The following KANK4 variants were observed in gnomAD, a reference collection of about 807,000 sequenced individuals.
KANK4 encodes the protein KN motif and ankyrin repeat domains 4.
KANK4 carries 50 observed loss-of-function variants against 80.8 expected under a neutral mutation model. That is an observed-to-expected ratio of 0.62 (90% CI 0.49 to 0.78). KANK4 has a LOEUF of 0.78. Ranked by LOEUF, KANK4 falls within the 30% of genes least tolerant of loss-of-function variation. KANK4 has a pLI of 0.00. For synonymous variants in KANK4, 465 were observed against 506.9 expected (o/e 0.92, Z 1.11); for missense variants, 1,196 against 1,240.1 (o/e 0.96, Z 0.53).
chr1:62,306,014 C>T (rs1357098032), intron 1 of KANK4, among the ~76,000 whole-genome samples: 1 of 151,904 alleles, frequency 6.6e-6, no homozygotes, highest in African/African-American at 2.4e-5. Context: ...ACACAAGGTC[C>T]TGTTCTGCTG....
chr1:62,291,197 C>G (rs1672671568), intron 1 of KANK4, among the ~76,000 whole-genome samples: 1 of 152,176 alleles, frequency 6.6e-6, no homozygotes, highest in East Asian at 1.9e-4. Context: ...TGTTGACTAT[C>G]TTTTTCATGT....
intron 2 of KANK4, among the ~76,000 whole-genome samples, chr1:62,278,326 TTC>T (rs1557493286): frequency 0.093 from 3,607 of 38,924 alleles, 592 homozygotes; most frequent in East Asian, 0.38. Context: ...TCTTTCTTCC[TTC>T]CTTCCTTCCT....
At chr1:62,280,117 G>C (rs555941233) in intron 2 of KANK4, among the ~76,000 whole-genome samples, 1 of 152,314 alleles carries the variant, frequency 6.6e-6, no homozygotes, top group African/African-American at 2.4e-5. Flanking sequence ...CCTATATTCA[G>C]TCTCTGAAGT....
chr1:62,238,657 T>A (rs1216098573), intron 9 of KANK4, among the ~76,000 whole-genome samples: 1 of 144,360 alleles, frequency 6.9e-6, no homozygotes, highest in Non-Finnish European at 1.5e-5. Flanking sequence ...TGAGATGGAG[T>A]CTCACTCTAT....
At chr1:62,309,852 T>C (rs1361971285) in intron 1 of KANK4, among the ~76,000 whole-genome samples, 1 of 152,148 alleles carries the variant, frequency 6.6e-6, no homozygotes, top group African/African-American at 2.4e-5. Flanking sequence ...CCCAAAGCAA[T>C]GGTTCAAAAG....
chr1:62,291,798 G>A (rs1672684965), intron 1 of KANK4, among the ~76,000 whole-genome samples: 2 of 152,146 alleles, frequency 1.3e-5, no homozygotes, highest in African/African-American at 2.4e-5. Context: ...GTAGAGATGG[G>A]GTTTCACTGT....
At chr1:62,309,130 T>G (rs528604739) in intron 1 of KANK4, among the ~76,000 whole-genome samples, 2 of 152,248 alleles carry the variant, frequency 1.3e-5, no homozygotes, top group Non-Finnish European at 2.9e-5. Context: ...GAGAATGCCA[T>G]CAGCGTGCCA....
chr1:62,238,097 C>T lies in KANK4; in HGVS notation c.*180G>A. 3 of 539,346 alleles carry T rather than the reference C, an allele frequency of 5.6e-6. No individual in the cohort carries two copies. The highest frequency in any genetic ancestry group is 1.0e-5 in the Non-Finnish European group (3 of 296,264). 33.4% of individuals were successfully genotyped at this position (539,346 alleles called of 1,614,324 possible). A position where few individuals can be genotyped will look rare whatever the true frequency, so the allele number is the denominator to read the frequency against. On this transcript the variant is annotated 3_prime_UTR_variant, in exon 10 of 10. Coordinates refer to ENST00000371153, the MANE Select transcript of KANK4 (RefSeq NM_181712.5). ...TGTAGTTTTCAGGCTTGGCCTAAGG[C>T]AAAAACTACAAAGCATCCTAATGAG...
At chr1:62,290,604 G>A (rs772996394) in intron 1 of KANK4, among the ~76,000 whole-genome samples, 25 of 152,292 alleles carry the variant, frequency 1.6e-4, no homozygotes, top group African/African-American at 1.2e-4. Flanking sequence ...TGTGAAGCAA[G>A]GAAAGGGCAA....
intron 6 of KANK4, among the ~76,000 whole-genome samples, chr1:62,266,388 T>G (rs748179053): frequency 2.7e-5 from 4 of 148,534 alleles, no homozygotes; most frequent in Non-Finnish European, 5.9e-5. Flanking sequence ...CACTGTACAC[T>G]CACACCACTG....
rs115190866 is a variant in KANK4, at chr1:62,273,823, C to T, written c.1281G>A (p.Ser427=). Reference sequence around the variant, plus strand: ...GGTTGACTTCAATGCCCTTATCACACGACTCCCTGGTCAAGAGTCCATGGA... The same window carrying T: ...GGTTGACTTCAATGCCCTTATCACATGACTCCCTGGTCAAGAGTCCATGGA... ...DPVHGLLTRE[S]CDKGIEVNLL... The change falls in exon 3 of 10, where the codon TCG becomes TCA. Residue 427 remains serine (S), a synonymous_variant. Transcript: ENST00000371153. 56,996 of 1,614,154 alleles carry T rather than the reference C, an allele frequency of 0.035. 1,178 individuals carry two copies. The highest frequency in any genetic ancestry group is 0.039 in the Non-Finnish European group (46,361 of 1,180,014).
chr1:62,295,765 G>A (rs1366251906), intron 1 of KANK4, among the ~76,000 whole-genome samples: 1 of 152,232 alleles, frequency 6.6e-6, no homozygotes, highest in Admixed American at 6.5e-5. Flanking sequence ...GGAATTGATG[G>A]TTTCTTTAAA....
chr1:62,297,109 C>T (rs1042446309), intron 1 of KANK4, among the ~76,000 whole-genome samples: 2 of 151,980 alleles, frequency 1.3e-5, no homozygotes, highest in Non-Finnish European at 2.9e-5. Context: ...CCCAGCTACT[C>T]AGGGGGTTGA....
Position 62,274,912 on chromosome 1 carries a change from G to A in KANK4, c.192C>T (p.Ala64=). The A allele has an allele frequency of 6.2e-7, 1 of 1,614,150 alleles. No homozygotes were observed. The highest frequency in any genetic ancestry group is 8.5e-7 in the Non-Finnish European group (1 of 1,180,024). ...AGTTTCGGGGCAGAGTGCTAAATTT[G>A]GCCTGCTTGGCCCTTCTGTGGATAG... ...RIPIHRRAKQ[A]KFSTLPRNFS... is the part of the protein sequence containing the mutation. The change falls in exon 3 of 10, where the codon GCC becomes GCT. Residue 64 remains alanine (A), a synonymous_variant. Transcript: ENST00000371153.
In KANK4 at chr1:62,263,112, A is replaced by C. The variant is rs2666472; in HGVS notation, c.2519T>G (p.Val840Gly). ...CTGACCTGTCTCCAGCAGCAGCTTC[A>C]CGATGGAGAAGTTGGAGTGGGACAC... is the stretch of plus-strand genomic sequence containing the variant. ...YSVSHSNFSI[V>G]KLLLETGVCN... The change falls in exon 7 of 10, where the codon GTG (valine) becomes GGG (glycine). Residue 840 changes from valine to glycine, a missense_variant. This residue lies in a region of KANK4 where 1,154 missense variants were observed against 1,179.6 expected (regional missense o/e 0.98). Coordinates refer to ENST00000371153, the MANE Select transcript of KANK4 (RefSeq NM_181712.5). 7 of 1,612,254 alleles carry C rather than the reference A, an allele frequency of 4.3e-6. No individual in the cohort carries two copies. In the South Asian group the frequency reaches 7.7e-5, roughly 18 times the overall value.
At chr1:62,281,762 C>T (rs752226813) in intron 1 of KANK4, 128 bp from the exon 2 acceptor site, 1 of 647,576 alleles carries the variant, frequency 1.5e-6, no homozygotes, top group South Asian at 1.8e-5. Flanking sequence ...AGCTCACAGC[C>T]CTCCAAGGAG....
At chr1:62,275,126 A>C in intron 2 of KANK4, 39 bp from the exon 3 acceptor site, 1 of 1,488,222 alleles carries the variant, frequency 6.7e-7, no homozygotes, top group Non-Finnish European at 9.1e-7. Flanking sequence ...AAAAGCACAA[A>C]TTTAATTAAG....
intron 6 of KANK4, among the ~76,000 whole-genome samples, chr1:62,266,485 CACT>C (rs1188836426): frequency 2.6e-5 from 4 of 151,180 alleles, no homozygotes; most frequent in African/African-American, 9.7e-5. Flanking sequence ...ACATTCACAC[CACT>C]GCCTCACACA....
intron 1 of KANK4, among the ~76,000 whole-genome samples, chr1:62,315,639 A>G (rs183184970): frequency 6.6e-6 from 1 of 152,212 alleles, no homozygotes; most frequent in Admixed American, 6.5e-5. Context: ...CACAGATGAC[A>G]TAACTTGCAC....
Sources: gnomAD v4.1 joint callset for allele counts (sites outside exome capture counted in the v4.1 genomes callset) on GRCh38, gnomAD v4.1.1 for gene constraint, gnomAD v4.1.1 regional missense constraint, MANE v1.5 for transcripts, NCBI Gene and HGNC (gene_info 2026-07-23, HGNC 2026-07-21) for gene names.